Variants in SNCAIP observed in about 807,000 individuals in gnomAD.
SNCAIP encodes the protein synphilin-1.
SNCAIP carries 43 observed loss-of-function variants against 86.7 expected under a neutral mutation model. The observed-to-expected ratio is 0.50, with a 90% CI of 0.39 to 0.64. SNCAIP has a LOEUF of 0.64. Ranked by LOEUF, SNCAIP falls within the 30% of genes least tolerant of loss-of-function variation. The pLI is 0.00. For synonymous variants in SNCAIP, 417 were observed against 427.2 expected (o/e 0.98, Z 0.29); for missense variants, 981 against 1,103.1 (o/e 0.89, Z 1.57).
chr5:122,421,371 G>A (rs934944502), intron 3 of SNCAIP, among the ~76,000 whole-genome samples: 5 of 152,118 alleles, frequency 3.3e-5, no homozygotes, highest in South Asian at 2.1e-4. Context: ...CTCTCATCCC[G>A]TTAGCTTGGT....
At chr5:122,362,668 T>A (rs939492760) in intron 1 of SNCAIP, among the ~76,000 whole-genome samples, 5 of 152,162 alleles carry the variant, frequency 3.3e-5, no homozygotes, top group African/African-American at 1.2e-4. Flanking sequence ...ATGTCTACAC[T>A]TCACTAGATA....
intron 3 of SNCAIP, among the ~76,000 whole-genome samples, chr5:122,412,089 T>C (rs1476241083): frequency 6.6e-6 from 1 of 152,086 alleles, no homozygotes; most frequent in East Asian, 1.9e-4. Context: ...CCTCCTTCAG[T>C]TCTTCAAATG....
intron 1 of SNCAIP, among the ~76,000 whole-genome samples, chr5:122,349,392 T>C (rs544877641): frequency 5.5e-4 from 84 of 152,268 alleles, no homozygotes; most frequent in Non-Finnish European, 1.0e-3. Flanking sequence ...CTACCACTGA[T>C]AATACCTCTA....
chr5:122,322,562 CA>C (rs1310049321), intron 1 of SNCAIP, among the ~76,000 whole-genome samples: 1 of 152,164 alleles, frequency 6.6e-6, no homozygotes, highest in Non-Finnish European at 1.5e-5. Flanking sequence ...CTGGAGAGCT[CA>C]TTGACCTGCT....
chr5:122,387,786 T>C (rs1210138867), intron 1 of SNCAIP, among the ~76,000 whole-genome samples: 1 of 152,218 alleles, frequency 6.6e-6, no homozygotes, highest in East Asian at 1.9e-4. Context: ...AAAGGTTTTC[T>C]TTTCCTAGTA....
At position 122,441,959 on chromosome 5, in the gene SNCAIP, T is replaced by C. The variant is rs575959574; in HGVS notation, c.1422+1205T>C. On this transcript the variant is annotated intron_variant, in intron 7 of 10. Coordinates refer to ENST00000261368, the MANE Select transcript of SNCAIP (RefSeq NM_005460.4). ...CCCGACATATATGGATTTATTCCCA[T>C]ATCTATCTGATATATAGGATAGGGA... 3.3e-5 allele frequency among the ~76,000 whole-genome samples: 5 copies of C among 152,322 alleles called. No individual in the cohort carries two copies. The East Asian group carries it at 9.6e-4, about 29-fold the overall frequency.
chr5:122,360,998 T>C (rs1762098695), intron 1 of SNCAIP, among the ~76,000 whole-genome samples: 1 of 152,068 alleles, frequency 6.6e-6, no homozygotes, highest in Non-Finnish European at 1.5e-5. Context: ...GAAACTTGTC[T>C]TGAAAAACTA....
intron 7 of SNCAIP, among the ~76,000 whole-genome samples, chr5:122,443,295 T>C (rs1449421980): frequency 6.6e-6 from 1 of 152,244 alleles, no homozygotes; most frequent in Non-Finnish European, 1.5e-5. Context: ...ATCATGATAT[T>C]GTCAAAGAAT....
chr5:122,444,629 G>C lies in SNCAIP; in HGVS notation c.1489G>C (p.Ala497Pro). ...NHAGEKPSQS[A>P]ERQGHTLCSR... ...CGCTGGGGAAAAGCCCTCCCAGAGC[G>C]CCGAGCGGCAGGGGCACACCCTGTG... The change falls in exon 8 of 11, where the codon GCC becomes CCC. Residue 497 changes from alanine (A) to proline (P), a missense_variant. Coordinates refer to ENST00000261368, the MANE Select transcript of SNCAIP (RefSeq NM_005460.4). 6.2e-7 allele frequency: 1 copy of C among 1,614,068 alleles called. No homozygotes were observed. Among genetic ancestry groups the C allele is most frequent in the Non-Finnish European group, 8.5e-7 (1 of 1,179,940 alleles).
At chr5:122,343,364 A>C (rs957616855) in intron 1 of SNCAIP, among the ~76,000 whole-genome samples, 7 of 152,174 alleles carry the variant, frequency 4.6e-5, no homozygotes, top group African/African-American at 1.7e-4. Context: ...TTTGAGTTGG[A>C]TCTCATTTTG....
In SNCAIP at chr5:122,360,314, A is replaced by G. The variant is rs181665130; in HGVS notation, c.-46-30775A>G. On this transcript the variant is annotated intron_variant, in intron 1 of 10. Coordinates refer to ENST00000261368, the MANE Select transcript of SNCAIP (RefSeq NM_005460.4). ...CCAATGGAATAGAATGCCTGATGTC[A>G]TGTTGGAGCTGGGGATCTTCTGTCT... Among the ~76,000 whole-genome samples the G allele has an allele frequency of 1.1e-3, 170 of 152,302 alleles. 1 individual carries two copies. Among genetic ancestry groups the G allele is most frequent in the African/African-American group, 3.8e-3 (158 of 41,574 alleles).
intron 10 of SNCAIP, chr5:122,452,978 T>G (rs1784016558): frequency 6.5e-7 from 1 of 1,547,648 alleles, no homozygotes; most frequent in African/African-American, 1.4e-5. Context: ...TTGAAGAGCA[T>G]CTGTGTAACG....
At chr5:122,324,639 T>C (rs1410558481) in intron 1 of SNCAIP, among the ~76,000 whole-genome samples, 2 of 152,220 alleles carry the variant, frequency 1.3e-5, no homozygotes, top group Non-Finnish European at 2.9e-5. Context: ...TCTTGTTACC[T>C]GTTATTTACA....
intron 1 of SNCAIP, among the ~76,000 whole-genome samples, chr5:122,376,888 A>G (rs1212349403): frequency 6.6e-6 from 1 of 152,134 alleles, no homozygotes; most frequent in South Asian, 2.1e-4. Context: ...ATCTCAGACT[A>G]CGCAAAATCT....
intron 1 of SNCAIP, among the ~76,000 whole-genome samples, chr5:122,379,015 G>A (rs1237717747): frequency 1.0e-4 from 12 of 117,352 alleles, no homozygotes; most frequent in South Asian, 3.8e-4. Context: ...TTGACTTGGC[G>A]ATGCGGGCTC....
intron 1 of SNCAIP, among the ~76,000 whole-genome samples, chr5:122,378,296 A>G (rs1765820586): frequency 1.4e-5 from 2 of 140,928 alleles, no homozygotes; most frequent in Non-Finnish European, 3.1e-5. Flanking sequence ...GCCAGTGATG[A>G]TGAGCATTTT....
chr5:122,325,082 C>T (rs1055833391), intron 1 of SNCAIP, among the ~76,000 whole-genome samples: 33 of 151,970 alleles, frequency 2.2e-4, no homozygotes, highest in African/African-American at 8.0e-4. Flanking sequence ...GGTTTCTTCC[C>T]TTTTTTTTAT....
chr5:122,401,165 C>G (rs1771734060), intron 2 of SNCAIP: 2 of 1,537,822 alleles, frequency 1.3e-6, no homozygotes, highest in Non-Finnish European at 1.8e-6. Context: ...AAAAGGCCAT[C>G]TGTCCTGTGA....
chr5:122,319,549 G>A (rs1752516118), intron 1 of SNCAIP, among the ~76,000 whole-genome samples: 1 of 152,176 alleles, frequency 6.6e-6, no homozygotes, highest in East Asian at 1.9e-4. Flanking sequence ...AGTCTTAAGA[G>A]CATCATATGA....
Sources: gnomAD v4.1 joint callset for allele counts (sites outside exome capture counted in the v4.1 genomes callset) on GRCh38, gnomAD v4.1.1 for gene constraint, MANE v1.5 for transcripts, NCBI Gene and HGNC (gene_info 2026-07-23, HGNC 2026-07-21) for gene names.